The following PLEKHA8 variants were observed in gnomAD, a reference collection of about 807,000 sequenced individuals.
PLEKHA8 encodes the protein pleckstrin homology domain-containing family A member 8.
Under a neutral mutation model 68.2 loss-of-function variants are expected in PLEKHA8, and 36 were observed. That is an observed-to-expected ratio of 0.53 (90% CI 0.40 to 0.70). The LOEUF (loss-of-function observed/expected upper bound fraction) is 0.70, where lower values mean the gene tolerates loss of function less well. PLEKHA8 is among the 30% of genes least tolerant of loss of function. The pLI, the probability that PLEKHA8 is intolerant of heterozygous loss-of-function variation, is 0.00. For synonymous variants in PLEKHA8, 211 were observed against 216.1 expected, an observed-to-expected ratio of 0.98 and a Z score of 0.20; for missense variants, 505 against 615.4, an observed-to-expected ratio of 0.82 and a Z score of 1.90.
chr7:30,100,989 A>C (rs1204428064), intron 13 of PLEKHA8, among the ~76,000 whole-genome samples: 1 of 152,132 alleles, frequency 6.6e-6, no homozygotes, highest in Non-Finnish European at 1.5e-5. Flanking sequence ...CAGGAGTTCA[A>C]CACCAGCCTG....
At chr7:30,029,247 C>G (rs1383562268) in intron 1 of PLEKHA8, among the ~76,000 whole-genome samples, 1 of 152,214 alleles carries the variant, frequency 6.6e-6, no homozygotes, top group East Asian at 1.9e-4. Context: ...GATCCTTTAT[C>G]AAAGTCCTCA....
chr7:30,078,504 T>C (rs1794750262), intron 13 of PLEKHA8, 86 bp from the exon 14 acceptor site: 1 of 1,353,432 alleles, frequency 7.4e-7, no homozygotes, highest in African/African-American at 1.4e-5. Context: ...TGTGTGAAAG[T>C]ATGTGTGTGT....
chr7:30,120,044 A>T (rs1796669556), intron 13 of PLEKHA8, among the ~76,000 whole-genome samples: 1 of 152,122 alleles, frequency 6.6e-6, no homozygotes. Context: ...GAGAGCAAAC[A>T]GTCTTCTCTG....
exon 13 of PLEKHA8, chr7:30,090,290 T>G: frequency 7.7e-7 from 1 of 1,297,244 alleles, no homozygotes; most frequent in Non-Finnish European, 1.1e-6. Context: ...TTCCACAAGA[T>G]TCTGTGACGG....
rs367778481 is a variant in PLEKHA8, at chr7:30,033,888, TTAA to T, written c.40+5088_40+5090del. 4.1e-4 allele frequency among the ~76,000 whole-genome samples: 62 copies of T among 152,284 alleles called. 1 individual carries two copies. Among genetic ancestry groups the T allele is most frequent in the African/African-American group, 1.3e-3 (56 of 41,572 alleles). On this transcript the variant is annotated intron_variant, in intron 1 of 13. Transcript: ENST00000449726. Reference sequence around the variant, plus strand: ...TGGTTTTGATTTATATTTCTCTGACTTAATGATGTTGATTATCTTTTTATATGC... The same window carrying T: ...TGGTTTTGATTTATATTTCTCTGACTTGATGTTGATTATCTTTTTATATGC...
chr7:30,097,761 A>G (rs1044881730), intron 13 of PLEKHA8, among the ~76,000 whole-genome samples: 1 of 152,134 alleles, frequency 6.6e-6, no homozygotes, highest in African/African-American at 2.4e-5. Flanking sequence ...CTTCTTTGCC[A>G]TTGGTTCGAA....
Position 30,080,104 on chromosome 7 carries a change from AG to A in PLEKHA8, c.*1319del, listed in dbSNP as rs1485177624. The A allele has an allele frequency of 6.1e-5, 60 of 985,304 alleles. No homozygotes were observed. The highest frequency in any genetic ancestry group is 6.9e-5 in the Non-Finnish European group (57 of 829,932). 61.0% of individuals were successfully genotyped at this position (985,304 alleles called of 1,614,324 possible). On this transcript the variant is annotated 3_prime_UTR_variant, in exon 14 of 14. Transcript: ENST00000449726. ...GGTTTAATCACCAAAAGTGCAGAGCAGGCAAAATGCAGCTGTTTATCAATCT... is the reference window on the plus strand; with the variant it reads ...GGTTTAATCACCAAAAGTGCAGAGCAGCAAAATGCAGCTGTTTATCAATCT...
At chr7:30,096,133 G>A (rs1331360390) in intron 13 of PLEKHA8, among the ~76,000 whole-genome samples, 3 of 152,106 alleles carry the variant, frequency 2.0e-5, no homozygotes, top group Admixed American at 6.5e-5. Flanking sequence ...CCATTTTCAC[G>A]ATATTGATTC....
Position 30,080,791 on chromosome 7 carries a change from G to C in PLEKHA8, c.*2004G>C, listed in dbSNP as rs987205057. On this transcript the variant is annotated 3_prime_UTR_variant, in exon 14 of 14. Coordinates refer to ENST00000449726, the MANE Select transcript of PLEKHA8 (RefSeq NM_001197026.2). Reference sequence around the variant, plus strand: ...CTTCTCTGATTAGTATGAATATGATGGCAGGACTCGGGGATAGTCCCTGCC... The same window carrying C: ...CTTCTCTGATTAGTATGAATATGATCGCAGGACTCGGGGATAGTCCCTGCC... 2.0e-6 allele frequency: 2 copies of C among 985,102 alleles called. No homozygotes were observed. Among genetic ancestry groups the C allele is most frequent in the Non-Finnish European group, 2.4e-6 (2 of 829,880 alleles). The allele number at this position is 985,102 out of a possible 1,614,324, so 61.0% of individuals were successfully genotyped here.
chr7:30,094,636 T>C (rs1357330543), downstream of PLEKHA8, among the ~76,000 whole-genome samples: 1 of 151,792 alleles, frequency 6.6e-6, no homozygotes, highest in Non-Finnish European at 1.5e-5. Context: ...CATTAGGTCA[T>C]TTAGCATTAG....
In PLEKHA8 at chr7:30,084,020, C is replaced by T. The variant is rs1795074242; in HGVS notation, c.*5233C>T. ...CCATGGCATGTTTAATGTATAATTC[C>T]CATGTATCATGAGAATTTCACTAGA... On this transcript the variant is annotated 3_prime_UTR_variant, in exon 14 of 14. Transcript: ENST00000449726. 1 of 985,290 alleles carries T rather than the reference C, an allele frequency of 1.0e-6. No individual in the cohort carries two copies. Among genetic ancestry groups the T allele is most frequent in the Non-Finnish European group, 1.2e-6 (1 of 829,866 alleles). 61.0% of individuals were successfully genotyped at this position (985,290 alleles called of 1,614,324 possible). A position where few individuals can be genotyped will look rare whatever the true frequency, so the allele number is the denominator to read the frequency against.
intron 13 of PLEKHA8, among the ~76,000 whole-genome samples, chr7:30,096,630 T>C (rs1458181792): frequency 6.6e-6 from 1 of 152,204 alleles, no homozygotes; most frequent in Non-Finnish European, 1.5e-5. Flanking sequence ...GTCTGTTTTA[T>C]CTGAGACTAG....
rs779407841 is a variant in PLEKHA8, at chr7:30,083,903, G to T, written c.*5116G>T. 1.5e-5 allele frequency: 15 copies of T among 985,436 alleles called. No individual in the cohort carries two copies. The highest frequency in any genetic ancestry group is 1.8e-5 in the Non-Finnish European group (15 of 829,924). The allele number at this position is 985,436 out of a possible 1,614,324, so 61.0% of individuals were successfully genotyped here. A position where few individuals can be genotyped will look rare whatever the true frequency, so the allele number is the denominator to read the frequency against. On this transcript the variant is annotated 3_prime_UTR_variant, in exon 14 of 14. Coordinates refer to ENST00000449726, the MANE Select transcript of PLEKHA8 (RefSeq NM_001197026.2). ...TACCCACACAGACTCCTGTGTATGC[G>T]TGTCTGTTTATAGGTGTATATGGAG...
intron 1 of PLEKHA8, among the ~76,000 whole-genome samples, chr7:30,031,382 G>A (rs770427915): frequency 6.6e-6 from 1 of 152,150 alleles, no homozygotes; most frequent in Non-Finnish European, 1.5e-5. Context: ...TTAATAGTTC[G>A]CTGGAGAGGC....
At chr7:30,115,673 C>T (rs115848761) in intron 13 of PLEKHA8, among the ~76,000 whole-genome samples, 10 of 151,340 alleles carry the variant, frequency 6.6e-5, no homozygotes, top group Non-Finnish European at 1.0e-4. Flanking sequence ...TACGTGTATA[C>T]ATACGCACAT....
chr7:30,107,049 C>A (rs1419959977), intron 13 of PLEKHA8, among the ~76,000 whole-genome samples: 2 of 152,098 alleles, frequency 1.3e-5, no homozygotes, highest in African/African-American at 4.8e-5. Context: ...TAAGGATCAT[C>A]TTTTCTATTT....
chr7:30,091,168 ATCTC>A (rs971389565), downstream of PLEKHA8, among the ~76,000 whole-genome samples: 2 of 151,976 alleles, frequency 1.3e-5, no homozygotes, highest in Admixed American at 6.5e-5. Context: ...TATTTCCTCT[ATCTC>A]TCTATCTCTG....
chr7:30,029,881 G>A (rs936658819), intron 1 of PLEKHA8, among the ~76,000 whole-genome samples: 2 of 152,200 alleles, frequency 1.3e-5, no homozygotes, highest in African/African-American at 4.8e-5. Context: ...ACAGCCAAAG[G>A]TGCCCCTATT....
intron 13 of PLEKHA8, chr7:30,117,886 G>A (rs562863307): frequency 7.5e-4 from 682 of 910,214 alleles, no homozygotes; most frequent in Non-Finnish European, 9.6e-4. Context: ...TCTACTTCCT[G>A]TAGATTAAAG....
Sources: allele counts gnomAD v4.1 joint callset (sites outside exome capture counted in the v4.1 genomes callset), GRCh38; gene constraint gnomAD v4.1.1; transcripts MANE v1.5; gene names NCBI Gene and HGNC (gene_info 2026-07-23, HGNC 2026-07-21).